Variants in OSBPL10 observed in about 807,000 individuals in gnomAD.
The protein encoded by OSBPL10 is oxysterol binding protein like 10.
A neutral mutation model predicts 81.7 loss-of-function variants in OSBPL10; 49 were observed. The ratio of observed to expected loss-of-function variants is 0.60; its 90% confidence interval spans 0.48 to 0.76. The LOEUF (loss-of-function observed/expected upper bound fraction) is 0.76, where lower values mean the gene tolerates loss of function less well. Ranked by LOEUF, OSBPL10 falls within the 30% of genes least tolerant of loss-of-function variation. The pLI is 0.00. For missense variants in OSBPL10, 923 were observed against 987.8 expected, an observed-to-expected ratio of 0.93 and a Z score of 0.88; for synonymous variants, 419 against 383.6, an observed-to-expected ratio of 1.09 and a Z score of -1.08.
At chr3:31,958,952 A>G (rs139816585) in intron 1 of OSBPL10, among the ~76,000 whole-genome samples, 48 of 152,322 alleles carry the variant, frequency 3.2e-4, no homozygotes, top group African/African-American at 1.1e-3. Flanking sequence ...ACTCCAGCAC[A>G]TGGGAAACTC....
intron 3 of OSBPL10, among the ~76,000 whole-genome samples, chr3:31,862,133 T>C (rs1255015751): frequency 6.6e-6 from 1 of 152,106 alleles, no homozygotes; most frequent in Non-Finnish European, 1.5e-5. Flanking sequence ...TATCAAAATA[T>C]CTCACGTACC....
At chr3:31,888,846 C>T (rs938112984) in intron 1 of OSBPL10, among the ~76,000 whole-genome samples, 1 of 152,112 alleles carries the variant, frequency 6.6e-6, no homozygotes, top group Admixed American at 6.6e-5. Flanking sequence ...ATCACTCGAA[C>T]CTGAGAGGTG....
chr3:31,778,783 G>A (rs919512535), intron 4 of OSBPL10, among the ~76,000 whole-genome samples: 7 of 152,068 alleles, frequency 4.6e-5, no homozygotes, highest in African/African-American at 1.7e-4. Context: ...CTAGAGTCAA[G>A]ACAAAGGAAA....
At chr3:32,010,925 G>C (rs1699250292) in intron 2 of OSBPL10, among the ~76,000 whole-genome samples, 1 of 152,300 alleles carries the variant, frequency 6.6e-6, no homozygotes. Flanking sequence ...GGCTTGAGTA[G>C]GTAAACAAAG....
At chr3:31,850,040 C>G (rs967860127) in intron 3 of OSBPL10, among the ~76,000 whole-genome samples, 1 of 152,186 alleles carries the variant, frequency 6.6e-6, no homozygotes, top group Non-Finnish European at 1.5e-5. Flanking sequence ...TGGTGCATTC[C>G]TGTAATCCCA....
At chr3:32,024,034 C>T (rs966700619) in intron 2 of OSBPL10, among the ~76,000 whole-genome samples, 2 of 152,156 alleles carry the variant, frequency 1.3e-5, no homozygotes, top group African/African-American at 2.4e-5. Context: ...ATTGAAACCA[C>T]AGAAAAGAGA....
intron 3 of OSBPL10, among the ~76,000 whole-genome samples, chr3:31,862,622 G>C (rs1701084666): frequency 6.6e-6 from 1 of 151,830 alleles, no homozygotes; most frequent in African/African-American, 2.4e-5. Context: ...AAAAGACAAA[G>C]GATTTTTATA....
chr3:32,018,352 T>C (rs1442106773), intron 2 of OSBPL10, among the ~76,000 whole-genome samples: 1 of 152,144 alleles, frequency 6.6e-6, no homozygotes, highest in Non-Finnish European at 1.5e-5. Context: ...GTATCTGTGA[T>C]CTCAGACAAG....
At chr3:31,909,258 C>T (rs751025430) in intron 1 of OSBPL10, among the ~76,000 whole-genome samples, 5 of 152,154 alleles carry the variant, frequency 3.3e-5, no homozygotes, top group African/African-American at 4.8e-5. Flanking sequence ...TTAAGGCCAT[C>T]GGTAATTTTA....
At chr3:31,853,953 G>C (rs1700838742) in intron 3 of OSBPL10, among the ~76,000 whole-genome samples, 1 of 152,146 alleles carries the variant, frequency 6.6e-6, no homozygotes, top group African/African-American at 2.4e-5. Flanking sequence ...TAAAAAGCAA[G>C]ACATATCTTA....
At chr3:31,977,338 G>A (rs1326994709) in intron 1 of OSBPL10, among the ~76,000 whole-genome samples, 3 of 152,070 alleles carry the variant, frequency 2.0e-5, no homozygotes, top group African/African-American at 7.3e-5. Context: ...CTCTTTCCTG[G>A]ACCACTCAGA....
chr3:31,833,475 G>A (rs763652846), intron 3 of OSBPL10, among the ~76,000 whole-genome samples: 26 of 152,270 alleles, frequency 1.7e-4, no homozygotes, highest in Non-Finnish European at 3.2e-4. Flanking sequence ...TGCAGAAGCT[G>A]CATGGACAAA....
intron 4 of OSBPL10, 83 bp from the exon 5 acceptor site, chr3:31,748,203 TG>T: frequency 8.2e-7 from 1 of 1,221,852 alleles, no homozygotes; most frequent in Non-Finnish European, 1.2e-6. Flanking sequence ...ACCACAGAAG[TG>T]GGTAAAACTA....
At chr3:31,782,847 A>G (rs1412725997) in intron 4 of OSBPL10, among the ~76,000 whole-genome samples, 2 of 152,174 alleles carry the variant, frequency 1.3e-5, no homozygotes, top group African/African-American at 4.8e-5. Context: ...TGAGAACGTC[A>G]ACTAGCGTAA....
chr3:31,760,413 T>C (rs568252263), intron 4 of OSBPL10, among the ~76,000 whole-genome samples: 69 of 152,334 alleles, frequency 4.5e-4, no homozygotes, highest in Admixed American at 1.8e-3. Flanking sequence ...CCATGTATGC[T>C]CAAGCTCCCT....
intron 2 of OSBPL10, among the ~76,000 whole-genome samples, chr3:32,029,557 T>C (rs1324526485): frequency 2.6e-5 from 4 of 152,254 alleles, no homozygotes; most frequent in Middle Eastern, 3.4e-3. Context: ...CCGGTAACAA[T>C]ATGAGCAAGG....
At chr3:31,730,224 C>T (rs1322485213) in intron 6 of OSBPL10, among the ~76,000 whole-genome samples, 2 of 152,086 alleles carry the variant, frequency 1.3e-5, no homozygotes, top group South Asian at 2.1e-4. Context: ...GCCTGTAATC[C>T]CAGCTACTCA....
In OSBPL10 at chr3:32,011,622, T is replaced by C. The variant is rs531106185; in HGVS notation, n.298+34869A>G. Reference sequence around the variant, plus strand: ...CTTTGACAAGTTGAGAGAAGAAGGCTTCAGACGATCAAACTTCTCTGAGCT... The same window carrying C: ...CTTTGACAAGTTGAGAGAAGAAGGCCTCAGACGATCAAACTTCTCTGAGCT... On this transcript the variant is annotated intron_variant and non_coding_transcript_variant, in intron 2 of 3. Transcript: ENST00000479173. 1.3e-5 allele frequency among the ~76,000 whole-genome samples: 2 copies of C among 152,290 alleles called. 1 individual carries two copies. The highest frequency in any genetic ancestry group is 4.1e-4 in the South Asian group (2 of 4,820).
intron 4 of OSBPL10, among the ~76,000 whole-genome samples, chr3:31,812,874 G>C: frequency 6.6e-6 from 1 of 151,716 alleles, no homozygotes; most frequent in African/African-American, 2.4e-5. Flanking sequence ...ATGTGAGAAG[G>C]ACAATTATTT....
Sources: allele counts gnomAD v4.1 joint callset (sites outside exome capture counted in the v4.1 genomes callset), GRCh38; gene constraint gnomAD v4.1.1; transcripts MANE v1.5; gene names NCBI Gene and HGNC (gene_info 2026-07-23, HGNC 2026-07-21).